Variants in EYS observed in about 807,000 individuals in gnomAD.
EYS encodes the protein protein eyes shut homolog.
A neutral mutation model predicts 282.1 loss-of-function variants in EYS; 250 were observed. The observed-to-expected ratio is 0.89, with a 90% confidence interval of 0.80 to 0.98. EYS has a LOEUF of 0.98. Ranked by LOEUF, EYS falls within the 50% of genes least tolerant of loss-of-function variation. The probability of loss-of-function intolerance (pLI) is 0.00; values close to 1 mark genes in which losing one functional copy is unlikely to be tolerated. For missense variants in EYS, 4,016 were observed against 3,709.0 expected, an observed-to-expected ratio of 1.08 and a Z score of -2.15; for synonymous variants, 1,355 against 1,282.9, an observed-to-expected ratio of 1.06 and a Z score of -1.20.
At chr6:65,340,184 T>C (rs1476388374) in intron 10 of EYS, among the ~76,000 whole-genome samples, 1 of 151,202 alleles carries the variant, frequency 6.6e-6, no homozygotes, top group African/African-American at 2.4e-5. Context: ...CTCCATGGAC[T>C]CTTCTACTTT....
chr6:63,879,375 A>G (rs2149717545), intron 35 of EYS, among the ~76,000 whole-genome samples: 1 of 152,344 alleles, frequency 6.6e-6, no homozygotes, highest in African/African-American at 2.4e-5. Context: ...CCTCTGGATT[A>G]CAATGCTGGT....
intron 22 of EYS, among the ~76,000 whole-genome samples, chr6:64,700,402 A>G (rs1033249349): frequency 2.0e-5 from 3 of 152,100 alleles, no homozygotes; most frequent in African/African-American, 7.2e-5. Context: ...GGCAATAGAA[A>G]GAAATAAAAG....
At chr6:65,170,878 T>A (rs1765089242) in intron 12 of EYS, among the ~76,000 whole-genome samples, 1 of 151,482 alleles carries the variant, frequency 6.6e-6, no homozygotes, top group African/African-American at 2.4e-5. Flanking sequence ...ATAACAAAAA[T>A]GAGAAATTTG....
chr6:65,018,289 A>T (rs1017042189), intron 13 of EYS, among the ~76,000 whole-genome samples: 2 of 152,116 alleles, frequency 1.3e-5, no homozygotes, highest in African/African-American at 4.8e-5. Flanking sequence ...GTTCCTTCTG[A>T]GGGCTGTAAG....
At chr6:63,908,012 G>GTGTATATATATATATA (rs1491193336) in intron 35 of EYS, among the ~76,000 whole-genome samples, 48 of 131,174 alleles carry the variant, frequency 3.7e-4, no homozygotes, top group African/African-American at 1.2e-3. Context: ...ACACACAAAC[G>GTGTATATATATATATA]TATATATATA....
chr6:64,300,427 A>G (rs60860215), intron 30 of EYS, among the ~76,000 whole-genome samples: 4,744 of 152,282 alleles, frequency 0.031, 236 homozygotes, highest in African/African-American at 0.11. Flanking sequence ...GCTAAGATAT[A>G]AGTAAAATTG....
intron 1 of EYS, among the ~76,000 whole-genome samples, chr6:65,699,890 G>A (rs1470467765): frequency 4.0e-5 from 6 of 151,724 alleles, no homozygotes; most frequent in Non-Finnish European, 7.4e-5. Context: ...CGAGGCGGGC[G>A]AATCATGAGG....
intron 12 of EYS, among the ~76,000 whole-genome samples, chr6:65,217,623 T>C (rs9453228): frequency 5.9e-5 from 9 of 152,056 alleles, no homozygotes; most frequent in African/African-American, 2.2e-4. Flanking sequence ...GAGGAAGTAA[T>C]AGTTCTGTTG....
intron 31 of EYS, among the ~76,000 whole-genome samples, chr6:64,105,692 TA>T (rs1387866885): frequency 2.6e-5 from 4 of 152,146 alleles, no homozygotes; most frequent in Non-Finnish European, 5.9e-5. Context: ...ATACAATAGG[TA>T]GACTTTTCAG....
At chr6:65,648,018 T>TA (rs1430959897) in intron 1 of EYS, among the ~76,000 whole-genome samples, 1 of 151,394 alleles carries the variant, frequency 6.6e-6, no homozygotes, top group African/African-American at 2.4e-5. Flanking sequence ...CAAAATAAAA[T>TA]AAAAAATAAT....
intron 1 of EYS, among the ~76,000 whole-genome samples, chr6:65,694,880 C>T (rs1769386032): frequency 1.3e-5 from 2 of 151,536 alleles, no homozygotes. Flanking sequence ...CAAGAAAAGA[C>T]AGTATTGCGT....
chr6:63,961,050 T>A (rs1314258458), intron 35 of EYS, among the ~76,000 whole-genome samples: 1 of 152,212 alleles, frequency 6.6e-6, no homozygotes, highest in Non-Finnish European at 1.5e-5. Flanking sequence ...CTTAGTCTGC[T>A]CCTGCTGCTA....
At chr6:65,184,939 G>A (rs1191615025) in intron 12 of EYS, among the ~76,000 whole-genome samples, 1 of 151,206 alleles carries the variant, frequency 6.6e-6, no homozygotes, top group East Asian at 2.0e-4. Flanking sequence ...GTTTATTTTG[G>A]ATAGATGCAT....
chr6:63,842,541 C>T (rs1000080115), intron 36 of EYS, among the ~76,000 whole-genome samples: 3 of 152,126 alleles, frequency 2.0e-5, no homozygotes, highest in Non-Finnish European at 4.4e-5. Flanking sequence ...TAAAAATTTT[C>T]TCCCATTCTG....
At chr6:65,686,510 G>A (rs1201511768) in intron 1 of EYS, among the ~76,000 whole-genome samples, 2 of 152,032 alleles carry the variant, frequency 1.3e-5, no homozygotes, top group Non-Finnish European at 2.9e-5. Flanking sequence ...CTGTGCTTGT[G>A]CTAGCACACA....
chr6:65,016,991 C>T (rs1023844061), intron 13 of EYS, among the ~76,000 whole-genome samples: 2 of 152,150 alleles, frequency 1.3e-5, no homozygotes, highest in East Asian at 3.9e-4. Flanking sequence ...GAGATGGTTG[C>T]TGCTATCTAT....
In EYS at chr6:65,176,325, C is replaced by G. The variant is rs187876870; in HGVS notation, c.2024-118598G>C. Reference sequence around the variant, plus strand: ...TGCATAGCTAAATGTATACTTAAAACCAACATTGTAAAGCAATGTAGAAGT... The same window carrying G: ...TGCATAGCTAAATGTATACTTAAAAGCAACATTGTAAAGCAATGTAGAAGT... On this transcript the variant is annotated intron_variant, in intron 12 of 42. Coordinates refer to ENST00000503581, the MANE Select transcript of EYS (RefSeq NM_001142800.2). Among the ~76,000 whole-genome samples the G allele has an allele frequency of 1.8e-4, 27 of 151,626 alleles. No homozygotes were observed. In the East Asian group the frequency reaches 5.3e-3, roughly 30 times the overall value.
chr6:65,230,825 A>G (rs1206405340), intron 12 of EYS, among the ~76,000 whole-genome samples: 1 of 151,672 alleles, frequency 6.6e-6, no homozygotes, highest in African/African-American at 2.4e-5. Context: ...TGTCAAAGCT[A>G]TCATTGTTTT....
At chr6:64,369,397 C>T (rs1458897758) in intron 29 of EYS, among the ~76,000 whole-genome samples, 1 of 152,062 alleles carries the variant, frequency 6.6e-6, no homozygotes, top group Non-Finnish European at 1.5e-5. Context: ...TATTCAGGCT[C>T]TTTTTTGGTT....
Sources: allele counts gnomAD v4.1 joint callset (sites outside exome capture counted in the v4.1 genomes callset), GRCh38; gene constraint gnomAD v4.1.1; transcripts MANE v1.5; gene names NCBI Gene and HGNC (gene_info 2026-07-23, HGNC 2026-07-21).